PWWP3A: variants seen among roughly 807,000 people sequenced by gnomAD.
PWWP3A encodes the protein PWWP domain-containing DNA repair factor 3A.
In PWWP3A, 53 loss-of-function variants were observed where a neutral mutation model predicts 79.0. The observed-to-expected ratio is 0.67, with a 90% confidence interval of 0.54 to 0.84. The LOEUF is 0.84. Among genes scored for constraint, PWWP3A ranks in the 40% least tolerant of loss-of-function variants. The pLI is 0.00. For synonymous variants in PWWP3A, 443 were observed against 394.4 expected (o/e 1.12, Z -1.46); for missense variants, 973 against 948.0 (o/e 1.03, Z -0.35).
rs1418276520 is a variant in PWWP3A, at chr19:1,360,002, T to C, written c.215-134T>C. On this transcript the variant is annotated intron_variant, in intron 4 of 13. Transcript: ENST00000591337. The surrounding 1 kb of genome is among the most constrained non-coding windows in gnomAD (Gnocchi z 4.4). Reference sequence around the variant, plus strand: ...TTTGGGAAAATGTAGGTGAGAAATGTTAGTCCTCCCCTTCAGTGATTTAGG... The same window carrying C: ...TTTGGGAAAATGTAGGTGAGAAATGCTAGTCCTCCCCTTCAGTGATTTAGG... 2.5e-5 allele frequency: 21 copies of C among 831,080 alleles called. No individual in the cohort carries two copies. The highest frequency in any genetic ancestry group is 3.7e-5 in the Admixed American group (1 of 27,322). The allele number at this position is 831,080 out of a possible 1,614,324, so 51.5% of individuals were successfully genotyped here.
chr19:1,365,880 C>T (rs2082117581), intron 7 of PWWP3A, among the ~76,000 whole-genome samples: 1 of 152,228 alleles, frequency 6.6e-6, no homozygotes, highest in Admixed American at 6.5e-5. Flanking sequence ...ACTGGGGAGG[C>T]TGTGGGGAGG....
At position 1,376,295 on chromosome 19, in the gene PWWP3A, G is replaced by GTTTTTTTTTTTTTTTTT. The variant is rs754438911; in HGVS notation, c.2076-213_2076-212insTTTTTTTTTTTTTTTTT. Among the ~76,000 whole-genome samples the GTTTTTTTTTTTTTTTTT allele has an allele frequency of 1.2e-3, 80 of 67,042 alleles. 14 individuals are homozygous for GTTTTTTTTTTTTTTTTT. Among genetic ancestry groups the GTTTTTTTTTTTTTTTTT allele is most frequent in the Non-Finnish European group, 1.8e-3 (61 of 33,652 alleles). The allele number at this position is 67,042 out of a possible 152,430, so 44.0% of individuals were successfully genotyped here. A position where few individuals can be genotyped will look rare whatever the true frequency, so the allele number is the denominator to read the frequency against. On this transcript the variant is annotated intron_variant, in intron 13 of 13. Coordinates refer to ENST00000591337, the MANE Select transcript of PWWP3A (RefSeq NM_001369789.1). ...CATGCGCCACCACGCCCGGCTGTTT[G>GTTTTTTTTTTTTTTTTT]TTTTTTTTTTTGTTTGTTTTTTTTT... is the stretch of plus-strand genomic sequence containing the variant.
In PWWP3A at chr19:1,371,039, C is replaced by G. The variant is rs188024142; in HGVS notation, c.1947C>G (p.Gly649=). ...CCAAGGTGCTCCAGCGCACCAACGG[C>G]GACCGGATCCGGTTCATTCTGGACG... ...VGAKVLQRTN[G]DRIRFILDVL... Residue 649 remains glycine (G), a synonymous_variant, in exon 12 of 14, where the codon GGC becomes GGG. Transcript: ENST00000591337. 64 of 1,572,200 alleles carry G rather than the reference C, an allele frequency of 4.1e-5. No homozygotes were observed. The highest frequency in any genetic ancestry group is 5.3e-5 in the Non-Finnish European group (61 of 1,158,560).
intron 13 of PWWP3A, among the ~76,000 whole-genome samples, chr19:1,375,494 ATAAATT>A (rs2082348740): frequency 7.6e-6 from 1 of 131,440 alleles, no homozygotes; most frequent in Non-Finnish European, 1.6e-5. Context: ...TATAAAATAT[ATAAATT>A]TTATATATAA....
Position 1,355,392 on chromosome 19 carries a change from G to C in PWWP3A, c.-70+257G>C, listed in dbSNP as rs372705843. Reference sequence around the variant, plus strand: ...TTGGACCCGCTCCCCCATCCTTGCTGCCTGGACCCCTATCTCCTTCCCTGG... The same window carrying C: ...TTGGACCCGCTCCCCCATCCTTGCTCCCTGGACCCCTATCTCCTTCCCTGG... On this transcript the variant is annotated intron_variant, in intron 1 of 13. Transcript: ENST00000591337. 2.5e-3 allele frequency among the ~76,000 whole-genome samples: 376 copies of C among 149,364 alleles called. 1 individual carries two copies. Among genetic ancestry groups the C allele is most frequent in the African/African-American group, 9.0e-3 (365 of 40,394 alleles).
chr19:1,363,437 G>C (rs2082063336), intron 6 of PWWP3A, among the ~76,000 whole-genome samples: 1 of 152,184 alleles, frequency 6.6e-6, no homozygotes, highest in South Asian at 2.1e-4. Flanking sequence ...GGTGCTGTGG[G>C]GCACCCATTG....
At position 1,376,823 on chromosome 19, in the gene PWWP3A, G is replaced by T; in HGVS notation, c.*247G>T. 1 of 436,348 alleles carries T rather than the reference G, an allele frequency of 2.3e-6. No homozygotes were observed. The highest frequency in any genetic ancestry group is 4.1e-6 in the Non-Finnish European group (1 of 243,564). 27.0% of individuals were successfully genotyped at this position (436,348 alleles called of 1,614,324 possible). On this transcript the variant is annotated 3_prime_UTR_variant, in exon 14 of 14. Coordinates refer to ENST00000591337, the MANE Select transcript of PWWP3A (RefSeq NM_001369789.1). Reference sequence around the variant, plus strand: ...GGCATTTTTTACAAGATACCGTTCGGGAAAGGCTTTTGAAAGGACGGAAGC... The same window carrying T: ...GGCATTTTTTACAAGATACCGTTCGTGAAAGGCTTTTGAAAGGACGGAAGC...
At chr19:1,367,011 C>A in intron 8 of PWWP3A, 149 bp from the exon 9 acceptor site, 1 of 638,140 alleles carries the variant, frequency 1.6e-6, no homozygotes, top group South Asian at 2.0e-5. Context: ...AGCTTCTTGG[C>A]AGCTGGGGAA....
intron 11 of PWWP3A, 124 bp from the exon 12 acceptor site, chr19:1,370,517 CG>C: frequency 1.2e-6 from 1 of 851,586 alleles, no homozygotes; most frequent in African/African-American, 1.7e-5. Flanking sequence ...CGTGCTAACA[CG>C]GAGCTCGATC....
chr19:1,361,758 G>C (rs1411203466), intron 5 of PWWP3A: 1 of 159,016 alleles, frequency 6.3e-6, no homozygotes, highest in East Asian at 1.9e-4. Context: ...TCCATAGTCA[G>C]CTCCCGTCCC....
intron 6 of PWWP3A, 41 bp downstream of exon 6, chr19:1,362,392 G>A (rs200241944): frequency 1.1e-5 from 17 of 1,530,924 alleles, no homozygotes; most frequent in Middle Eastern, 2.0e-4. Flanking sequence ...CTAACGGTGC[G>A]CTCAGAGGCA....
rs1038177224 is a variant in PWWP3A, at chr19:1,377,975, C to G, written c.*1399C>G. The stretch of plus-strand genomic sequence containing the variant: ...GGAGGTGCCAGAGGCGGCGGCTGCT[C>G]TGGACCTCGGTGTTCACTGACCTTT... On this transcript the variant is annotated 3_prime_UTR_variant, in exon 14 of 14. Transcript: ENST00000591337. The G allele has an allele frequency of 6.6e-6, 1 of 152,290 alleles. No individual in the cohort carries two copies. Among genetic ancestry groups the G allele is most frequent in the African/African-American group, 2.4e-5 (1 of 41,472 alleles). 9.4% of individuals were successfully genotyped at this position (152,290 alleles called of 1,614,324 possible).
At chr19:1,357,229 G>A in intron 3 of PWWP3A, 135 bp downstream of exon 3, 1 of 640,478 alleles carries the variant, frequency 1.6e-6, no homozygotes, top group Non-Finnish European at 2.7e-6. Flanking sequence ...ATTCATTAAT[G>A]CTCATAATAA....
chr19:1,376,459 T>C, intron 13 of PWWP3A, 60 bp from the exon 14 acceptor site: 1 of 1,568,292 alleles, frequency 6.4e-7, no homozygotes, highest in Non-Finnish European at 8.8e-7. Flanking sequence ...CAGTCCTCTC[T>C]CTCATATTCT....
chr19:1,375,805 TA>T (rs61059214), intron 13 of PWWP3A, among the ~76,000 whole-genome samples: 15,715 of 94,014 alleles, frequency 0.17, 1,046 homozygotes, highest in Admixed American at 0.22. Flanking sequence ...CATATGTATT[TA>T]TTTATTTTTT....
intron 5 of PWWP3A, among the ~76,000 whole-genome samples, chr19:1,361,292 C>T (rs1193076195): frequency 6.6e-6 from 1 of 152,178 alleles, no homozygotes; most frequent in East Asian, 1.9e-4. Context: ...CGTAGAGGGG[C>T]GGCGGGCCAC....
rs2081979429 is a variant in PWWP3A at position 1,360,242 on chromosome 19, A to G, written c.321A>G (p.Glu107=). The G allele has an allele frequency of 2.5e-6, 4 of 1,613,940 alleles. No individual in the cohort carries two copies. The highest frequency in any genetic ancestry group is 2.7e-5 in the African/African-American group (2 of 74,934). The change falls in exon 5 of 14, where the codon GAA becomes GAG. Residue 107 remains glutamate, a synonymous_variant. Coordinates refer to ENST00000591337, the MANE Select transcript of PWWP3A (RefSeq NM_001369789.1). The surrounding 1 kb of genome is among the most constrained non-coding windows in gnomAD (Gnocchi z 4.4). ...VLSEGSIWSQ[E]SSAGTGRADR... is the part of the protein sequence containing the mutation. The stretch of plus-strand genomic sequence containing the variant: ...GCGAGGGCTCGATTTGGAGTCAAGA[A>G]AGCTCTGCAGGGACAGGTAGAGCTG...
At position 1,370,769 on chromosome 19, in the gene PWWP3A, G is replaced by A; in HGVS notation, c.1677G>A (p.Met559Ile). 2 of 1,517,810 alleles carry A rather than the reference G, an allele frequency of 1.3e-6. No individual in the cohort carries two copies. The highest frequency in any genetic ancestry group is 1.8e-6 in the Non-Finnish European group (2 of 1,129,010). The allele number at this position is 1,517,810 out of a possible 1,614,324, so 94.0% of individuals were successfully genotyped here. The stretch of plus-strand genomic sequence containing the variant: ...GGCAGAGGCAGCCCTGCCGGAAAAT[G>A]CTCCCCGACCGCTCGCGGGCCGCCC... The part of the protein sequence containing the change: ...PLGQRQPCRK[M>I]LPDRSRAARD... The change falls in exon 12 of 14, where the codon ATG (methionine) becomes ATA (isoleucine). Residue 559 changes from methionine to isoleucine, a missense_variant. Transcript: ENST00000591337.
intron 6 of PWWP3A, chr19:1,364,254 C>T (rs542781715): frequency 1.6e-5 from 10 of 637,608 alleles, no homozygotes; most frequent in African/African-American, 7.1e-5. Context: ...GTGCGTTTGT[C>T]GCAGCTGGGA....
Sources: gnomAD v4.1 joint callset for allele counts (sites outside exome capture counted in the v4.1 genomes callset) on GRCh38, gnomAD v4.1.1 for gene constraint, Gnocchi (gnomAD v3.1) non-coding constraint, MANE v1.5 for transcripts, NCBI Gene and HGNC (gene_info 2026-07-23, HGNC 2026-07-21) for gene names.